Variants in TPP2 observed in about 807,000 individuals in gnomAD.
The protein encoded by TPP2 is tripeptidyl-peptidase 2.
Under a neutral mutation model 155.9 loss-of-function variants are expected in TPP2, and 34 were observed. The observed-to-expected ratio is 0.22, with a 90% confidence interval of 0.17 to 0.29. The LOEUF (loss-of-function observed/expected upper bound fraction) is 0.29, where lower values mean the gene tolerates loss of function less well. Ranked by LOEUF, TPP2 falls within the 10% of genes least tolerant of loss-of-function variation. The pLI, the probability that TPP2 is intolerant of heterozygous loss-of-function variation, is 1.00. For synonymous variants in TPP2, 510 were observed against 529.4 expected, an observed-to-expected ratio of 0.96 and a Z score of 0.50; for missense variants, 1,028 against 1,522.3, an observed-to-expected ratio of 0.68 and a Z score of 5.40.
chr13:102,646,474 A>G (rs971522838), intron 20 of TPP2, 84 bp downstream of exon 20: 10 of 1,002,564 alleles, frequency 1.0e-5, no homozygotes, highest in African/African-American at 1.6e-5. Context: ...ATGGAAGGAC[A>G]GTGTATATGG....
chr13:102,644,793 A>G, intron 18 of TPP2, 116 bp from the exon 19 acceptor site: 1 of 1,405,762 alleles, frequency 7.1e-7, no homozygotes, highest in Non-Finnish European at 9.9e-7. Flanking sequence ...TGAAGATAGC[A>G]GTAGGCTTTG....
chr13:102,605,872 C>T (rs1026581438), intron 2 of TPP2, among the ~76,000 whole-genome samples: 5 of 151,910 alleles, frequency 3.3e-5, no homozygotes, highest in African/African-American at 1.2e-4. Flanking sequence ...TACAGGTGCC[C>T]GCCACCACGT....
At chr13:102,642,351 A>G (rs1474421442) in intron 16 of TPP2, among the ~76,000 whole-genome samples, 5 of 152,150 alleles carry the variant, frequency 3.3e-5, no homozygotes. Context: ...TCTATGGTTA[A>G]TTAATACTGA....
intron 2 of TPP2, among the ~76,000 whole-genome samples, chr13:102,611,465 C>T (rs984479313): frequency 2.6e-5 from 4 of 152,094 alleles, no homozygotes; most frequent in African/African-American, 4.8e-5. Context: ...CATCTGAGGT[C>T]GGGAGTTCAA....
intron 1 of TPP2, among the ~76,000 whole-genome samples, chr13:102,601,340 A>G (rs1879414787): frequency 6.6e-6 from 1 of 152,176 alleles, no homozygotes; most frequent in African/African-American, 2.4e-5. Flanking sequence ...GTTGTTTATG[A>G]TAGATTGCAA....
At position 102,676,309 on chromosome 13, in the gene TPP2, C is replaced by T. The variant is rs1473612978; in HGVS notation, c.3593C>T (p.Ala1198Val). The T allele has an allele frequency of 6.2e-7, 1 of 1,600,562 alleles. No individual in the cohort carries two copies. The highest frequency in any genetic ancestry group is 2.2e-5 in the East Asian group (1 of 44,502). The change falls in exon 29 of 30, where the codon GCA becomes GTA. Residue 1198 changes from alanine to valine, a missense_variant. Physicochemically the swap from Ala to Val is moderately conservative, Grantham distance 64. Around this residue, in one of 7 missense-constraint regions of TPP2, gnomAD observed 41 missense variants for 78.3 expected, o/e 0.52. Transcript: ENST00000376052. ...TTTACATTGTAGGTTTTGACATTTG[C>T]ATATAAACATGCATTAGTAAATAAA... Reference protein sequence around the residue: ...DLFDNKVLTFAYKHALVNKMY... With the variant: ...DLFDNKVLTFVYKHALVNKMY...
chr13:102,644,970 C>T lies in TPP2; in HGVS notation c.2354C>T (p.Ala785Val). The change falls in exon 19 of 30, where the codon GCT becomes GTT. Residue 785 changes from alanine to valine, a missense_variant. By Grantham distance (64) the Ala-to-Val change is moderately conservative. This residue lies in a region of TPP2 where 325 missense variants were observed against 463.7 expected (regional missense o/e 0.70). Coordinates refer to ENST00000376052, the MANE Select transcript of TPP2 (RefSeq NM_001330588.2). The stretch of plus-strand genomic sequence containing the variant: ...TCCTCCTTGAAATACGAAGATCTGG[C>T]TCCCTGCATAACTTTGAAGAACTGG... ...VQSSLKYEDL[A>V]PCITLKNWVQ... is the part of the protein sequence containing the mutation. 2 of 1,614,050 alleles carry T rather than the reference C, an allele frequency of 1.2e-6. No homozygotes were observed. Among genetic ancestry groups the T allele is most frequent in the Non-Finnish European group, 1.7e-6 (2 of 1,179,966 alleles).
Position 102,613,791 on chromosome 13 carries a change from G to T in TPP2, c.295-310G>T, listed in dbSNP as rs1444385708. Among the ~76,000 whole-genome samples, 5 of 152,336 alleles carry T rather than the reference G, an allele frequency of 3.3e-5. No individual in the cohort carries two copies. In the East Asian group the frequency reaches 9.6e-4, roughly 29 times the overall value. ...TTTAAAGTGTTTTAAAACACTTTGA[G>T]ATCGTTTAAAAGATTATTACAAGAT... is the stretch of plus-strand genomic sequence containing the variant. On this transcript the variant is annotated intron_variant, in intron 2 of 29. Coordinates refer to ENST00000376052, the MANE Select transcript of TPP2 (RefSeq NM_001330588.2).
At chr13:102,614,041 G>A (rs1880524929) in intron 2 of TPP2, 60 bp from the exon 3 acceptor site, 1 of 1,455,314 alleles carries the variant, frequency 6.9e-7, no homozygotes, top group Non-Finnish European at 9.6e-7. Context: ...GCTCAGTAGT[G>A]TATCATTGGA....
intron 23 of TPP2, among the ~76,000 whole-genome samples, chr13:102,650,228 C>T (rs916136672): frequency 6.6e-5 from 10 of 152,016 alleles, no homozygotes; most frequent in Non-Finnish European, 1.2e-4. Context: ...AGCTCAATGC[C>T]AGTAAAAGTT....
rs993235245 is a variant in TPP2, at chr13:102,669,240, C to T, written c.3371+4315C>T. ...CCAGTAGTGTTGCAGGGTCCTTACT[C>T]ATATTCACTTTTTTGTTGTTTTCTG... On this transcript the variant is annotated intron_variant, in intron 27 of 29. Transcript: ENST00000376052. Among the ~76,000 whole-genome samples, 8 of 152,246 alleles carry T rather than the reference C, an allele frequency of 5.3e-5. No individual in the cohort carries two copies. The South Asian group carries it at 1.7e-3, about 32-fold the overall frequency.
intron 6 of TPP2, among the ~76,000 whole-genome samples, chr13:102,625,168 T>C (rs1047311797): frequency 2.4e-5 from 3 of 125,152 alleles, no homozygotes; most frequent in African/African-American, 9.2e-5. Flanking sequence ...ACTTAACTTT[T>C]TTTTTTTTTT....
At chr13:102,653,128 G>T (rs1288748068) in intron 24 of TPP2, among the ~76,000 whole-genome samples, 1 of 152,106 alleles carries the variant, frequency 6.6e-6, no homozygotes, top group Non-Finnish European at 1.5e-5. Flanking sequence ...GAAGAACTTG[G>T]CAGCTAGAGT....
At chr13:102,613,975 A>T in intron 2 of TPP2, 126 bp from the exon 3 acceptor site, 1 of 706,562 alleles carries the variant, frequency 1.4e-6, no homozygotes, top group South Asian at 2.1e-5. Context: ...ACGTTGTTGT[A>T]CATGAGCATC....
intron 6 of TPP2, among the ~76,000 whole-genome samples, chr13:102,626,077 ACATAATGAAACTCC>A (rs1881598621): frequency 6.6e-6 from 1 of 152,234 alleles, no homozygotes; most frequent in Non-Finnish European, 1.5e-5. Flanking sequence ...AAGAAATGAA[ACATAATGAAACTCC>A]CATCATGCCC....
intron 24 of TPP2, among the ~76,000 whole-genome samples, chr13:102,656,103 T>G (rs562845347): frequency 6.6e-6 from 1 of 152,306 alleles, no homozygotes; most frequent in East Asian, 1.9e-4. Context: ...TAACTTGTTG[T>G]CTTCTTGCCT....
intron 26 of TPP2, among the ~76,000 whole-genome samples, 196 bp from the exon 27 acceptor site, chr13:102,664,599 A>G (rs1884467703): frequency 6.6e-6 from 1 of 152,142 alleles, no homozygotes; most frequent in Non-Finnish European, 1.5e-5. Flanking sequence ...TATGCATCTG[A>G]GCTCAAGTTT....
chr13:102,657,668 A>G (rs563179275), intron 25 of TPP2, among the ~76,000 whole-genome samples: 63 of 152,282 alleles, frequency 4.1e-4, no homozygotes, highest in Non-Finnish European at 8.4e-4. Flanking sequence ...TGGATGCAAC[A>G]TAATCTATTT....
chr13:102,598,531 T>C (rs1879169654), intron 1 of TPP2, among the ~76,000 whole-genome samples: 1 of 152,242 alleles, frequency 6.6e-6, no homozygotes, highest in East Asian at 1.9e-4. Context: ...ACTGGAGTTA[T>C]ATAGTTGTCG....
Sources: gnomAD v4.1 joint callset for allele counts (sites outside exome capture counted in the v4.1 genomes callset) on GRCh38, gnomAD v4.1.1 for gene constraint, gnomAD v4.1.1 regional missense constraint, MANE v1.5 for transcripts, NCBI Gene and HGNC (gene_info 2026-07-23, HGNC 2026-07-21) for gene names.